AUTS2: variants seen among roughly 807,000 people sequenced by gnomAD.
AUTS2 encodes autism susceptibility gene 2 protein.
AUTS2 carries 17 observed loss-of-function variants against 112.4 expected under a neutral mutation model. That is an observed-to-expected ratio of 0.15 (90% CI 0.10 to 0.23). The LOEUF (loss-of-function observed/expected upper bound fraction) is 0.23, where lower values mean the gene tolerates loss of function less well. Among genes scored for constraint, AUTS2 ranks in the 10% least tolerant of loss-of-function variants. AUTS2 has a pLI of 1.00. For synonymous variants in AUTS2, 751 were observed against 702.7 expected, an observed-to-expected ratio of 1.07 and a Z score of -1.09; for missense variants, 1,510 against 1,701.6, an observed-to-expected ratio of 0.89 and a Z score of 1.98.
intron 1 of AUTS2, among the ~76,000 whole-genome samples, chr7:69,837,465 C>G (rs1791777347): frequency 6.6e-6 from 1 of 152,004 alleles, no homozygotes; most frequent in Admixed American, 6.6e-5. Flanking sequence ...TCAGGGGGCC[C>G]AAAATGATTC....
chr7:70,783,423 T>G (rs1046643614), intron 15 of AUTS2: 4 of 152,246 alleles, frequency 2.6e-5, no homozygotes, highest in Admixed American at 2.6e-4. Context: ...ACAAGACTTT[T>G]GCAGCCCAGG....
intron 1 of AUTS2, among the ~76,000 whole-genome samples, chr7:69,897,689 G>A (rs1302622576): frequency 6.6e-6 from 1 of 152,104 alleles, no homozygotes; most frequent in African/African-American, 2.4e-5. Flanking sequence ...CTGGGGAGGC[G>A]GAGGTTACAG....
chr7:70,399,504 G>T (rs1304838158), intron 4 of AUTS2, among the ~76,000 whole-genome samples: 4 of 152,010 alleles, frequency 2.6e-5, no homozygotes, highest in Admixed American at 2.0e-4. Flanking sequence ...GCAGATCTTG[G>T]ACACTTGTCA....
chr7:70,457,708 A>G (rs1312575650), intron 5 of AUTS2, among the ~76,000 whole-genome samples: 2 of 152,206 alleles, frequency 1.3e-5, no homozygotes, highest in Admixed American at 1.3e-4. Context: ...CAGTCTGCTC[A>G]ATAGGGATGT....
At position 70,703,490 on chromosome 7, in the gene AUTS2, C is replaced by CAAAA. The variant is rs57223380; in HGVS notation, c.742+4889_742+4892dup. On this transcript the variant is annotated intron_variant, in intron 6 of 18. Transcript: ENST00000342771. ...TGGGCGACAGAGTGAGACACCATTT[C>CAAAA]AAAAAAAAAAAAAAAAAAAAAAGGC... 1.8e-4 allele frequency among the ~76,000 whole-genome samples: 18 copies of CAAAA among 98,606 alleles called. 1 individual carries two copies. Among genetic ancestry groups the CAAAA allele is most frequent in the African/African-American group, 5.2e-4 (13 of 24,828 alleles). The allele number at this position is 98,606 out of a possible 152,430, so 64.7% of individuals were successfully genotyped here. A position where few individuals can be genotyped will look rare whatever the true frequency, so the allele number is the denominator to read the frequency against.
chr7:69,866,136 T>A (rs1285444023), intron 1 of AUTS2, among the ~76,000 whole-genome samples: 2 of 152,188 alleles, frequency 1.3e-5, no homozygotes, highest in African/African-American at 4.8e-5. Context: ...GTTAATGGTG[T>A]CTTTTGCTCC....
intron 2 of AUTS2, among the ~76,000 whole-genome samples, chr7:70,105,035 G>A (rs939028394): frequency 2.6e-5 from 4 of 152,146 alleles, no homozygotes; most frequent in African/African-American, 7.2e-5. Context: ...CTCTAAGGAT[G>A]TACTTTTACT....
intron 2 of AUTS2, among the ~76,000 whole-genome samples, chr7:70,067,852 TAA>T (rs543724371): frequency 3.1e-5 from 4 of 130,910 alleles, no homozygotes; most frequent in African/African-American, 2.8e-5. Context: ...AGCACCTGTC[TAA>T]AAAAAAAAAA....
chr7:70,763,349 G>A lies in AUTS2; in HGVS notation c.1214+8G>A. The A allele has an allele frequency of 1.3e-6, 2 of 1,536,586 alleles. No homozygotes were observed. The highest frequency in any genetic ancestry group is 1.8e-6 in the Non-Finnish European group (2 of 1,139,914). ...AAGCCTCAACAGTTTAAGGTGAGTGGCCTGCTCTTCTTTGGCCTGACTTTT... is the reference window on the plus strand; with the variant it reads ...AAGCCTCAACAGTTTAAGGTGAGTGACCTGCTCTTCTTTGGCCTGACTTTT... On this transcript the variant is annotated splice_region_variant and intron_variant, in intron 7 of 18. Transcript: ENST00000342771.
At chr7:69,952,173 C>T (rs1401757634) in intron 2 of AUTS2, among the ~76,000 whole-genome samples, 1 of 151,908 alleles carries the variant, frequency 6.6e-6, no homozygotes, top group Non-Finnish European at 1.5e-5. Context: ...CTGTTAAAGT[C>T]TGAAAGTGTA....
chr7:70,499,431 G>A (rs1486979155), intron 5 of AUTS2, among the ~76,000 whole-genome samples: 1 of 152,174 alleles, frequency 6.6e-6, no homozygotes, highest in Non-Finnish European at 1.5e-5. Flanking sequence ...CAGGATGGCC[G>A]GGGAACTGGG....
At chr7:70,368,822 C>T (rs1028244828) in intron 4 of AUTS2, among the ~76,000 whole-genome samples, 17 of 152,264 alleles carry the variant, frequency 1.1e-4, no homozygotes, top group Admixed American at 9.8e-4. Context: ...AGTGGCTTCT[C>T]TTTTTCCCAA....
chr7:70,791,215 T>G lies in AUTS2; in HGVS notation c.*219T>G, dbSNP rs1210169064. On this transcript the variant is annotated 3_prime_UTR_variant, in exon 19 of 19. Transcript: ENST00000342771. Reference sequence around the variant, plus strand: ...TTTAGCCCAGTCATATGTTCTCACGTCTCCTACTTTTTGTTTCTCGTATAA... The same window carrying G: ...TTTAGCCCAGTCATATGTTCTCACGGCTCCTACTTTTTGTTTCTCGTATAA... 1 of 428,482 alleles carries G rather than the reference T, an allele frequency of 2.3e-6. No homozygotes were observed. Among genetic ancestry groups the G allele is most frequent in the African/African-American group, 2.0e-5 (1 of 48,850 alleles). The allele number at this position is 428,482 out of a possible 1,614,324, so 26.5% of individuals were successfully genotyped here.
intron 1 of AUTS2, among the ~76,000 whole-genome samples, chr7:69,663,703 T>C (rs1423641689): frequency 6.6e-6 from 1 of 152,206 alleles, no homozygotes; most frequent in African/African-American, 2.4e-5. Context: ...TATACTCTAG[T>C]AGAATCTAAC....
At chr7:70,488,398 G>C (rs1347652786) in intron 5 of AUTS2, among the ~76,000 whole-genome samples, 1 of 152,160 alleles carries the variant, frequency 6.6e-6, no homozygotes. Flanking sequence ...CTGGTGAAGG[G>C]TAATCCCCCC....
intron 5 of AUTS2, among the ~76,000 whole-genome samples, chr7:70,550,718 A>G (rs1800983062): frequency 6.6e-6 from 1 of 152,208 alleles, no homozygotes; most frequent in East Asian, 1.9e-4. Flanking sequence ...TGTTTAGCTT[A>G]ACATAGATAC....
chr7:69,613,198 A>T (rs1293785814), intron 1 of AUTS2, among the ~76,000 whole-genome samples: 1 of 152,190 alleles, frequency 6.6e-6, no homozygotes, highest in Non-Finnish European at 1.5e-5. Flanking sequence ...TTTCATACAG[A>T]TGCATTTTGT....
intron 4 of AUTS2, among the ~76,000 whole-genome samples, chr7:70,245,962 A>C (rs1206126714): frequency 6.6e-6 from 1 of 152,034 alleles, no homozygotes; most frequent in Non-Finnish European, 1.5e-5. Flanking sequence ...CAACAGCCTC[A>C]TTGTGGTTTT....
chr7:69,612,268 GGAGTT>G (rs1793082659), intron 1 of AUTS2, among the ~76,000 whole-genome samples: 1 of 152,082 alleles, frequency 6.6e-6, no homozygotes, highest in African/African-American at 2.4e-5. Context: ...CCCACCTGAA[GGAGTT>G]TTTTGAAGTG....
Sources: gnomAD v4.1 joint callset for allele counts (sites outside exome capture counted in the v4.1 genomes callset) on GRCh38, gnomAD v4.1.1 for gene constraint, MANE v1.5 for transcripts, NCBI Gene and HGNC (gene_info 2026-07-23, HGNC 2026-07-21) for gene names.